IL17REL: variants seen among roughly 807,000 people sequenced by gnomAD.
The protein encoded by IL17REL is interleukin-17 receptor E-like protein.
In IL17REL, 36 loss-of-function variants were observed where a neutral mutation model predicts 49.0. That is an observed-to-expected ratio of 0.73 (90% CI 0.56 to 0.97). IL17REL has a LOEUF of 0.97. Ranked by LOEUF, IL17REL falls within the 50% of genes least tolerant of loss-of-function variation. The pLI is 0.00. For missense variants in IL17REL, 470 were observed against 453.9 expected (o/e 1.04, Z -0.32); for synonymous variants, 206 against 192.4 (o/e 1.07, Z -0.58).
upstream of IL17REL, among the ~76,000 whole-genome samples, chr22:50,009,567 G>A (rs2061127514): frequency 1.3e-5 from 2 of 151,316 alleles, no homozygotes; most frequent in Admixed American, 6.6e-5. Context: ...TGTGCAGCCC[G>A]CGGTCAACAC....
At position 49,997,336 on chromosome 22, in the gene IL17REL, G is replaced by T. The variant is rs757697970; in HGVS notation, c.958C>A (p.Arg320Ser). ...TCGGCTCACTGAGGCTGAAGGGAGC[G>T]GGCTGGCCTGGAGTGTGCGTTGGCA... Residue 320 changes from arginine (R) to serine (S), a missense_variant, in exon 11 of 13, where the codon CGC becomes AGC. Arg to Ser is a moderately radical substitution (Grantham distance 110). Transcript: ENST00000341280. The T allele has an allele frequency of 3.1e-6, 5 of 1,613,626 alleles. No homozygotes were observed. Among genetic ancestry groups the T allele is most frequent in the East Asian group, 4.5e-5 (2 of 44,874 alleles).
rs2061053115 is a variant in IL17REL, at chr22:49,998,685, C to CTGCCTGTGTG, written c.602-377_602-376insCACACAGGCA. 4.2e-5 allele frequency among the ~76,000 whole-genome samples: 6 copies of CTGCCTGTGTG among 141,848 alleles called. No individual in the cohort carries two copies. The South Asian group carries it at 9.2e-4, about 22-fold the overall frequency. The allele number at this position is 141,848 out of a possible 152,430, so 93.1% of individuals were successfully genotyped here. On this transcript the variant is annotated intron_variant, in intron 7 of 12. Coordinates refer to ENST00000341280, the Ensembl canonical transcript of IL17REL. ...TGGGTATGGGTGTGCGTGAGTGTGC[C>CTGCCTGTGTG]TGCCTGTGCATGGGTGTGTGTGCAT...
chr22:50,009,848 C>T (rs940776609), upstream of IL17REL, among the ~76,000 whole-genome samples: 1 of 136,802 alleles, frequency 7.3e-6, no homozygotes, highest in African/African-American at 2.8e-5. Flanking sequence ...ATCCCCTCAT[C>T]TCAACAGTTT....
At chr22:49,997,470 G>C in intron 10 of IL17REL, 1 of 1,549,114 alleles carries the variant, frequency 6.5e-7, no homozygotes, top group Non-Finnish European at 8.9e-7. Context: ...AAGGCTGGAT[G>C]GTCATTTTCC....
chr22:49,997,801 CAG>C (rs1383858277), intron 9 of IL17REL, 59 bp from the exon 12 acceptor site: 23 of 1,553,872 alleles, frequency 1.5e-5, no homozygotes, highest in Non-Finnish European at 1.8e-5. Context: ...GGGGCAGGGA[CAG>C]GGGCAGGGAC....
rs1449646626 is a variant in IL17REL at position 50,000,416 on chromosome 22, A to AGG, written c.334+61_334+62insCC. 45 of 1,294,936 alleles carry AGG rather than the reference A, an allele frequency of 3.5e-5. No homozygotes were observed. In the African/African-American group the frequency reaches 6.3e-4, roughly 18 times the overall value. 80.2% of individuals were successfully genotyped at this position (1,294,936 alleles called of 1,614,324 possible). On this transcript the variant is annotated intron_variant, in intron 4 of 12. Transcript: ENST00000341280. ...CAGGCCCCTGCCCTGGGCAAGTCCCACCCCAAGCCAGGCCCTGGAGGCTGA... is the reference window on the plus strand; with the variant it reads ...CAGGCCCCTGCCCTGGGCAAGTCCCAGGCCCCAAGCCAGGCCCTGGAGGCTGA...
chr22:50,003,038 T>G (rs1016516114), intron 1 of IL17REL, among the ~76,000 whole-genome samples: 1 of 152,054 alleles, frequency 6.6e-6, no homozygotes, highest in Admixed American at 6.5e-5. Context: ...GGATCCCAAG[T>G]GGAGCTTGGC....
intron 1 of IL17REL, among the ~76,000 whole-genome samples, chr22:50,008,060 C>T (rs2061119494): frequency 6.6e-6 from 1 of 151,854 alleles, no homozygotes; most frequent in Admixed American, 6.6e-5. Flanking sequence ...GTTTGGTTGA[C>T]CAACCAGAGA....
In IL17REL at chr22:49,996,861, C is replaced by T; in HGVS notation, c.*45-1G>A. ...AGAAGTGTACATCGGTCCTCCAGCC[C>T]TGCAGGCATAAGGCAGCTCCGTCAA... On this transcript the variant is annotated splice_acceptor_variant, in intron 12 of 12. Transcript: ENST00000341280. LOFTEE classifies it low-confidence loss of function (3UTR_SPLICE). The T allele has an allele frequency of 3.4e-6, 2 of 589,602 alleles. No homozygotes were observed. The allele number at this position is 589,602 out of a possible 1,614,324, so 36.5% of individuals were successfully genotyped here.
intron 1 of IL17REL, among the ~76,000 whole-genome samples, chr22:50,003,935 C>T (rs973887357): frequency 2.0e-5 from 3 of 152,190 alleles, no homozygotes; most frequent in African/African-American, 7.2e-5. Context: ...AGTTGTGTAC[C>T]CTTGTAGATG....
At chr22:49,993,266 G>A (rs1005425637), downstream of IL17REL, among the ~76,000 whole-genome samples, 3 of 152,214 alleles carry the variant, frequency 2.0e-5, no homozygotes, top group Non-Finnish European at 2.9e-5. This position sits in a 1 kb window ranked among gnomAD's most constrained non-coding sequence, Gnocchi z 6.0. Context: ...GCAGGCGGGC[G>A]TCCAAGGCTC....
rs1202948680 is a variant in IL17REL, at chr22:50,003,523, A to AAC, written c.-41-2293_-41-2292insGT. On this transcript the variant is annotated intron_variant, in intron 1 of 12. Coordinates refer to ENST00000341280, the Ensembl canonical transcript of IL17REL. ...AGACAGAGTGAGACTCCATCTCAAA[A>AAC]AAAAAAAAAAAAAAAAAAAAGGCTG... Among the ~76,000 whole-genome samples the AAC allele has an allele frequency of 3.0e-3, 447 of 147,924 alleles. 4 individuals carry two copies. The highest frequency in any genetic ancestry group is 0.011 in the African/African-American group (420 of 39,770).
At chr22:50,010,721 C>A (rs1046904160), upstream of IL17REL, among the ~76,000 whole-genome samples, 40 of 151,940 alleles carry the variant, frequency 2.6e-4, 1 homozygote, top group Non-Finnish European at 5.4e-4. Flanking sequence ...AAGCCGCTGT[C>A]GGGGGCGCGG....
intron 9 of IL17REL, 51 bp from the exon 12 acceptor site, chr22:49,997,793 G>A (rs755369922): frequency 6.4e-7 from 1 of 1,570,064 alleles, no homozygotes; most frequent in South Asian, 1.1e-5. Context: ...GTGAGGCAGG[G>A]GCAGGGACAG....
chr22:49,998,406 G>T, intron 7 of IL17REL, 97 bp from the exon 10 acceptor site: 1 of 1,121,064 alleles, frequency 8.9e-7, no homozygotes, highest in East Asian at 2.8e-5. Context: ...ACTGGGCCAG[G>T]GTCCAGCGCA....
At chr22:49,999,989 G>T in intron 4 of IL17REL, 22 bp from the exon 7 acceptor site, 4 of 1,490,250 alleles carry the variant, frequency 2.7e-6, no homozygotes, top group South Asian at 1.3e-5. Flanking sequence ...GGCAAGTCGG[G>T]GCCGCGCTGG....
chr22:49,996,748 G>T, exon 13 of IL17REL: 1 of 436,456 alleles, frequency 2.3e-6, no homozygotes, highest in Non-Finnish European at 4.1e-6. Flanking sequence ...GCCTGCCGTG[G>T]GAGGCCTAGG....
chr22:49,995,850 GTCC>G (rs1269710892), exon 13 of IL17REL: 4 of 152,932 alleles, frequency 2.6e-5, no homozygotes, highest in Non-Finnish European at 5.8e-5. Context: ...GCCAGGCCCG[GTCC>G]TCCTGCTGCC....
chr22:50,009,555 A>T (rs2146762634), upstream of IL17REL, among the ~76,000 whole-genome samples: 1 of 149,918 alleles, frequency 6.7e-6, no homozygotes, highest in East Asian at 2.0e-4. Flanking sequence ...GGGGTGTTGG[A>T]CTGTGCAGCC....
Sources: gnomAD v4.1 joint callset for allele counts (sites outside exome capture counted in the v4.1 genomes callset) on GRCh38, gnomAD v4.1.1 for gene constraint, Gnocchi (gnomAD v3.1) non-coding constraint, MANE v1.5 for transcripts, NCBI Gene and HGNC (gene_info 2026-07-23, HGNC 2026-07-21) for gene names.